Variants in MCM5 observed in about 807,000 individuals in gnomAD.
The protein encoded by MCM5 is DNA replication licensing factor MCM5.
Under a neutral mutation model 79.9 loss-of-function variants are expected in MCM5, and 46 were observed. That is an observed-to-expected ratio of 0.58 (90% confidence interval 0.45 to 0.74). The LOEUF (loss-of-function observed/expected upper bound fraction) is 0.74. MCM5 is among the 30% of genes least tolerant of loss of function. MCM5 has a pLI of 0.00. For synonymous variants in MCM5, 404 were observed against 390.5 expected (o/e 1.03, Z -0.41); for missense variants, 883 against 1,017.0 (o/e 0.87, Z 1.79).
At chr22:35,431,831 TCTC>T in the MCM5 span, among the ~76,000 whole-genome samples, 1 of 152,228 alleles carries the variant, frequency 6.6e-6, no homozygotes, top group South Asian at 2.1e-4. Flanking sequence ...CCTCTGTGCC[TCTC>T]CTCCTCCAGG....
chr22:35,432,807 C>T, the MCM5 span, among the ~76,000 whole-genome samples: 2 of 150,498 alleles, frequency 1.3e-5, no homozygotes, highest in Non-Finnish European at 3.0e-5. Flanking sequence ...ATGGGAGGTC[C>T]TAGAGGGAGA....
At chr22:35,450,783 G>A in the MCM5 span, among the ~76,000 whole-genome samples, 140 of 151,616 alleles carry the variant, frequency 9.2e-4, 6 homozygotes, top group East Asian at 0.019. Flanking sequence ...ATTTGTCAAT[G>A]AGGAAAGAGT....
the MCM5 span, among the ~76,000 whole-genome samples, chr22:35,430,875 G>A: frequency 2.0e-5 from 3 of 147,712 alleles, no homozygotes; most frequent in African/African-American, 7.5e-5. Flanking sequence ...CTCTTACCTT[G>A]TCTCTAGCTT....
chr22:35,446,931 C>T, the MCM5 span, among the ~76,000 whole-genome samples: 1 of 152,258 alleles, frequency 6.6e-6, no homozygotes, highest in Non-Finnish European at 1.5e-5. Flanking sequence ...GGTCACGAGG[C>T]CCCTGCATGA....
At chr22:35,449,161 C>T in the MCM5 span, among the ~76,000 whole-genome samples, 26 of 152,172 alleles carry the variant, frequency 1.7e-4, no homozygotes, top group African/African-American at 6.3e-4. Context: ...ATGAGGACTC[C>T]CTGAGGCGTC....
rs1330640213 is a variant in MCM5, at chr22:35,417,821, G to C, written c.1668G>C (p.Leu556=). 1 of 1,614,164 alleles carries C rather than the reference G, an allele frequency of 6.2e-7. No individual in the cohort carries two copies. The highest frequency in any genetic ancestry group is 1.1e-5 in the South Asian group (1 of 91,086). Residue 556 remains leucine, a synonymous_variant, in exon 13 of 17, where the codon CTG becomes CTC. Coordinates refer to ENST00000216122, the MANE Select transcript of MCM5 (RefSeq NM_006739.4). ...AGGCTGTGGAGGGCGAGATTGACCT[G>C]GCCAAGCTGAAGAAGTTTATTGCCT... The part of the protein sequence containing the change: ...QTQAVEGEID[L]AKLKKFIAYC...
the MCM5 span, among the ~76,000 whole-genome samples, chr22:35,450,465 A>G: frequency 2.0e-5 from 3 of 151,962 alleles, no homozygotes; most frequent in Non-Finnish European, 4.4e-5. Context: ...ACTCCAGGGG[A>G]GGAAGCGCTG....
At chr22:35,455,025 A>G in the MCM5 span, among the ~76,000 whole-genome samples, 1 of 151,848 alleles carries the variant, frequency 6.6e-6, no homozygotes, top group Admixed American at 6.6e-5. Flanking sequence ...TAGATTATTT[A>G]TAATAATCTC....
At chr22:35,436,971 C>T in the MCM5 span, among the ~76,000 whole-genome samples, 7 of 152,198 alleles carry the variant, frequency 4.6e-5, no homozygotes, top group Non-Finnish European at 7.3e-5. Flanking sequence ...CTCAGCCTCG[C>T]GTCACTAGGG....
intron 2 of MCM5, 28 bp from the exon 3 acceptor site, chr22:35,403,179 G>T: frequency 3.1e-6 from 5 of 1,612,610 alleles, no homozygotes; most frequent in Non-Finnish European, 4.2e-6. Context: ...CACCCTTCCT[G>T]CCCCACCCTG....
chr22:35,415,460 G>T (rs1309453617), intron 9 of MCM5, among the ~76,000 whole-genome samples: 1 of 152,162 alleles, frequency 6.6e-6, no homozygotes, highest in Non-Finnish European at 1.5e-5. Context: ...CTCACGATGG[G>T]GGCAGGCTTT....
the MCM5 span, among the ~76,000 whole-genome samples, chr22:35,453,799 G>GATATATATATATATAT: frequency 7.7e-5 from 7 of 91,164 alleles, no homozygotes; most frequent in South Asian, 4.1e-4. Flanking sequence ...AGAGACAAAA[G>GATATATATATATATAT]ATATATATAT....
At chr22:35,409,102 A>G (rs1420054620) in intron 6 of MCM5, among the ~76,000 whole-genome samples, 5 of 152,182 alleles carry the variant, frequency 3.3e-5, no homozygotes, top group Non-Finnish European at 7.3e-5. Flanking sequence ...AGCTGGGACT[A>G]CAGGCGCCCT....
chr22:35,428,123 C>T (rs887201760), downstream of MCM5, among the ~76,000 whole-genome samples: 6 of 151,160 alleles, frequency 4.0e-5, no homozygotes, highest in Admixed American at 6.6e-5. Flanking sequence ...CAGGATCAAG[C>T]GATTCTCCTG....
At chr22:35,418,555 G>A (rs991965080) in intron 13 of MCM5, among the ~76,000 whole-genome samples, 8 of 151,988 alleles carry the variant, frequency 5.3e-5, no homozygotes, top group African/African-American at 1.7e-4. Flanking sequence ...AGCTACTCAG[G>A]AGGCTGAGGC....
chr22:35,450,811 A>AC, the MCM5 span, among the ~76,000 whole-genome samples: 26,140 of 151,758 alleles, frequency 0.17, 2,459 homozygotes, highest in African/African-American at 0.25. Context: ...CCAGAGAAAA[A>AC]CCCGGGTCCA....
the MCM5 span, among the ~76,000 whole-genome samples, chr22:35,453,819 T>TATATATAGAGAGAGAG: frequency 2.8e-4 from 23 of 81,544 alleles, no homozygotes; most frequent in African/African-American, 1.2e-3. Context: ...TATATATATA[T>TATATATAGAGAGAGAG]AGAGAGAGAG....
intron 3 of MCM5, 25 bp from the exon 4 acceptor site, chr22:35,403,389 A>C (rs1166189462): frequency 6.2e-7 from 1 of 1,614,128 alleles, no homozygotes; most frequent in Non-Finnish European, 8.5e-7. Flanking sequence ...AGTTACTAAT[A>C]GCCTGTGCCC....
chr22:35,453,819 T>TATAG, the MCM5 span, among the ~76,000 whole-genome samples: 433 of 81,530 alleles, frequency 5.3e-3, 2 homozygotes, highest in Middle Eastern at 0.023. Context: ...TATATATATA[T>TATAG]AGAGAGAGAG....
Sources: allele counts gnomAD v4.1 joint callset (sites outside exome capture counted in the v4.1 genomes callset), GRCh38; gene constraint gnomAD v4.1.1; transcripts MANE v1.5; gene names NCBI Gene and HGNC (gene_info 2026-07-23, HGNC 2026-07-21).